The following ZNF471 variants were observed in gnomAD, a reference collection of about 807,000 sequenced individuals.
The protein encoded by ZNF471 is EZFIT-related protein 1.
Under a neutral mutation model 13.7 loss-of-function variants are expected in ZNF471, and 7 were observed. The observed-to-expected ratio is 0.51, with a 90% CI of 0.29 to 0.96. The LOEUF is 0.96. ZNF471 is among the 40% of genes least tolerant of loss of function. ZNF471 has a pLI of 0.08. For synonymous variants in ZNF471, 218 were observed against 235.6 expected, an observed-to-expected ratio of 0.93 and a Z score of 0.68; for missense variants, 663 against 743.3, an observed-to-expected ratio of 0.89 and a Z score of 1.26.
chr19:56,509,818 T>G (rs925448443), intron 1 of ZNF471: 1 of 983,556 alleles, frequency 1.0e-6, no homozygotes, highest in African/African-American at 1.8e-5. Flanking sequence ...GAGAAACAGT[T>G]TGTTTTTCCT....
Position 56,525,801 on chromosome 19 carries a change from G to A in ZNF471, c.1734G>A (p.Lys578=), listed in dbSNP as rs371500929. ...EKPYKCTECG[K]AFSDSSSCAQ... ...CCTATAAATGTACTGAATGTGGAAA[G>A]GCTTTTAGTGATAGCTCATCCTGTG... The change falls in exon 5 of 5, where the codon AAG becomes AAA. Residue 578 remains lysine, a synonymous_variant. Transcript: ENST00000308031. 1.2e-4 allele frequency: 201 copies of A among 1,614,166 alleles called. 3 individuals are homozygous for A. The South Asian group carries it at 1.9e-3, about 15-fold the overall frequency.
Position 56,518,333 on chromosome 19 carries a change from C to T in ZNF471, c.161-149C>T, listed in dbSNP as rs1341026400. The stretch of plus-strand genomic sequence containing the variant: ...CTGTTAGCAGTCTTACTAGGCTATT[C>T]CAGAGTTTTATGTAGTCTGTCCTTC... On this transcript the variant is annotated intron_variant, in intron 3 of 4. Coordinates refer to ENST00000308031, the MANE Select transcript of ZNF471 (RefSeq NM_020813.4). The T allele has an allele frequency of 1.6e-5, 10 of 623,328 alleles. No individual in the cohort carries two copies. The Admixed American group carries it at 2.8e-4, about 17-fold the overall frequency. The allele number at this position is 623,328 out of a possible 1,614,324, so 38.6% of individuals were successfully genotyped here. A position where few individuals can be genotyped will look rare whatever the true frequency, so the allele number is the denominator to read the frequency against.
intron 4 of ZNF471, among the ~76,000 whole-genome samples, chr19:56,520,718 G>A (rs1383589398): frequency 6.6e-6 from 1 of 152,162 alleles, no homozygotes; most frequent in South Asian, 2.1e-4. Flanking sequence ...CAGGAAGAAG[G>A]CACCATCTGT....
Position 56,529,925 on chromosome 19 carries a change from A to G in ZNF471, c.*3977A>G, listed in dbSNP as rs577132211. 4.6e-4 allele frequency: 70 copies of G among 152,328 alleles called. No individual in the cohort carries two copies. Among genetic ancestry groups the G allele is most frequent in the Admixed American group, 1.0e-3 (16 of 15,300 alleles). The allele number at this position is 152,328 out of a possible 1,614,324, so 9.4% of individuals were successfully genotyped here. A position where few individuals can be genotyped will look rare whatever the true frequency, so the allele number is the denominator to read the frequency against. ...TTGAATATAATTACCCTTTGCCACA[A>G]TTCTACACCTAGTCAGTTATGTTCT... On this transcript the variant is annotated 3_prime_UTR_variant, in exon 5 of 5. Transcript: ENST00000308031.
Position 56,524,255 on chromosome 19 carries a change from T to G in ZNF471, c.257-69T>G. The G allele has an allele frequency of 8.9e-7, 1 of 1,128,076 alleles. No individual in the cohort carries two copies. Among genetic ancestry groups the G allele is most frequent in the South Asian group, 1.8e-5 (1 of 54,972 alleles). The allele number at this position is 1,128,076 out of a possible 1,614,324, so 69.9% of individuals were successfully genotyped here. On this transcript the variant is annotated intron_variant, in intron 4 of 4. Transcript: ENST00000308031. The surrounding 1 kb of genome is among the most constrained non-coding windows in gnomAD (Gnocchi z 4.8). ...TTTATTAAATATTTTTAAATTACCT[T>G]TTTCACAATGTCTCCTTTGTTGTAG...
chr19:56,511,552 G>C lies in ZNF471; in HGVS notation c.-20G>C. On this transcript the variant is annotated 5_prime_UTR_variant, in exon 2 of 5. Coordinates refer to ENST00000308031, the MANE Select transcript of ZNF471 (RefSeq NM_020813.4). The stretch of plus-strand genomic sequence containing the variant: ...CCAAGACACTGTTCTTCAAGAGAAA[G>C]ACCAGAAGAGAAGGCAAAAATGAAT... The C allele has an allele frequency of 6.2e-7, 1 of 1,613,932 alleles. No individual in the cohort carries two copies. Among genetic ancestry groups the C allele is most frequent in the Non-Finnish European group, 8.5e-7 (1 of 1,179,892 alleles).
At chr19:56,521,341 TA>T in intron 4 of ZNF471, among the ~76,000 whole-genome samples, 2 of 152,094 alleles carry the variant, frequency 1.3e-5, no homozygotes, top group South Asian at 2.1e-4. Context: ...GGTATAACTT[TA>T]AAAAAATCTC....
intron 2 of ZNF471, among the ~76,000 whole-genome samples, chr19:56,514,399 TG>T (rs979969163): frequency 2.0e-5 from 3 of 152,162 alleles, no homozygotes; most frequent in African/African-American, 4.8e-5. Context: ...TTTTATCTAA[TG>T]TTTTTTTTCT....
chr19:56,522,579 C>T lies in ZNF471; in HGVS notation c.257-1745C>T, dbSNP rs190454669. Among the ~76,000 whole-genome samples, 5 of 152,116 alleles carry T rather than the reference C, an allele frequency of 3.3e-5. No individual in the cohort carries two copies. The East Asian group carries it at 9.7e-4, about 29-fold the overall frequency. Reference sequence around the variant, plus strand: ...TATGGATGACATAGAAAAGGAAAGCCCTTCCTTTGCCTTTTCTTGAAACCA... The same window carrying T: ...TATGGATGACATAGAAAAGGAAAGCTCTTCCTTTGCCTTTTCTTGAAACCA... On this transcript the variant is annotated intron_variant, in intron 4 of 4. Transcript: ENST00000308031. This position sits in a 1 kb window ranked among gnomAD's most constrained non-coding sequence, Gnocchi z 4.1.
rs1290972733 is a variant in ZNF471, at chr19:56,516,712, T to C, written c.160+311T>C. Among the ~76,000 whole-genome samples the C allele has an allele frequency of 2.0e-5, 3 of 152,238 alleles. No individual in the cohort carries two copies. The highest frequency in any genetic ancestry group is 7.2e-5 in the African/African-American group (3 of 41,466). On this transcript the variant is annotated intron_variant, in intron 3 of 4. Transcript: ENST00000308031. This position sits in a 1 kb window ranked among gnomAD's most constrained non-coding sequence, Gnocchi z 4.4. ...TATCACCACTAGACAACAACAAGGTTCACAAAGAATATATAGCTAGATTAC... is the reference window on the plus strand; with the variant it reads ...TATCACCACTAGACAACAACAAGGTCCACAAAGAATATATAGCTAGATTAC...
chr19:56,513,875 T>C (rs1326792360), intron 2 of ZNF471, among the ~76,000 whole-genome samples: 1 of 151,900 alleles, frequency 6.6e-6, no homozygotes, highest in Non-Finnish European at 1.5e-5. Context: ...TTTAGAATAG[T>C]TTTAGATTTG....
In ZNF471 at chr19:56,528,599, T is replaced by A. The variant is rs1385089430; in HGVS notation, c.*2651T>A. 6.6e-6 allele frequency: 1 copy of A among 152,190 alleles called. No homozygotes were observed. The highest frequency in any genetic ancestry group is 6.5e-5 in the Admixed American group (1 of 15,280). 9.4% of individuals were successfully genotyped at this position (152,190 alleles called of 1,614,324 possible). On this transcript the variant is annotated 3_prime_UTR_variant, in exon 5 of 5. Coordinates refer to ENST00000308031, the MANE Select transcript of ZNF471 (RefSeq NM_020813.4). Reference sequence around the variant, plus strand: ...CACATGTAGTATGCTTAACATTTAATATTATAATAAGACATCACAGCGGCT... The same window carrying A: ...CACATGTAGTATGCTTAACATTTAAAATTATAATAAGACATCACAGCGGCT...
rs1387618894 is a variant in ZNF471, at chr19:56,524,478, T to C, written c.411T>C (p.Ser137=). 6 of 1,611,946 alleles carry C rather than the reference T, an allele frequency of 3.7e-6. No individual in the cohort carries two copies. The Admixed American group carries it at 6.7e-5, about 18-fold the overall frequency. Residue 137 remains serine, a synonymous_variant, in exon 5 of 5, where the codon AGT becomes AGC. Transcript: ENST00000308031. This position sits in a 1 kb window ranked among gnomAD's most constrained non-coding sequence, Gnocchi z 4.8. ...ACCTTTTTGAGAAGCAGATGGGAAG[T>C]CATGAGATGTTTAGCAAGAAAGAAA... ...WEDLFEKQMG[S]HEMFSKKEII... is the part of the protein sequence containing the mutation.
Position 56,525,654 on chromosome 19 carries a change from C to T in ZNF471, c.1587C>T (p.His529=). The change falls in exon 5 of 5, where the codon CAC becomes CAT. Residue 529 remains histidine (H), a synonymous_variant. Transcript: ENST00000308031. ...GAAATGCTTTCAAACAGAGATCACA[C>T]CTTGCCCAACATCAGAAAACTCATA... ...ECGNAFKQRS[H]LAQHQKTHTG... The T allele has an allele frequency of 6.2e-7, 1 of 1,614,028 alleles. No homozygotes were observed. The highest frequency in any genetic ancestry group is 1.1e-5 in the South Asian group (1 of 91,074).
chr19:56,521,974 A>G (rs777831116), intron 4 of ZNF471, among the ~76,000 whole-genome samples: 31 of 152,274 alleles, frequency 2.0e-4, no homozygotes, highest in Admixed American at 6.5e-4. Flanking sequence ...TCCTCATAGC[A>G]TATTTTACTG....
chr19:56,529,187 A>G lies in ZNF471; in HGVS notation c.*3239A>G, dbSNP rs2147935955. ...AATTCATGTTGAGTGTTAATTAGGC[A>G]GGAATCAGAAGGGAGGTTTTGTAGA... On this transcript the variant is annotated 3_prime_UTR_variant, in exon 5 of 5. Coordinates refer to ENST00000308031, the MANE Select transcript of ZNF471 (RefSeq NM_020813.4). 1 of 152,362 alleles carries G rather than the reference A, an allele frequency of 6.6e-6. No homozygotes were observed. Among genetic ancestry groups the G allele is most frequent in the South Asian group, 2.1e-4 (1 of 4,826 alleles). The allele number at this position is 152,362 out of a possible 1,614,324, so 9.4% of individuals were successfully genotyped here.
In ZNF471 at chr19:56,510,976, G is replaced by A. The variant is rs2043801369; in HGVS notation, c.-55-541G>A. 2.0e-6 allele frequency: 2 copies of A among 985,434 alleles called. No individual in the cohort carries two copies. The highest frequency in any genetic ancestry group is 6.2e-5 in the Admixed American group (1 of 16,254). The allele number at this position is 985,434 out of a possible 1,614,324, so 61.0% of individuals were successfully genotyped here. ...GCTAAAGGTTCCATCGTTTCAGGGT[G>A]AGGAAAGTGAAACAGTGCCGGGGGG... On this transcript the variant is annotated intron_variant, in intron 1 of 4. Coordinates refer to ENST00000308031, the MANE Select transcript of ZNF471 (RefSeq NM_020813.4). This position sits in a 1 kb window ranked among gnomAD's most constrained non-coding sequence, Gnocchi z 4.3.
In ZNF471 at chr19:56,508,362, T is replaced by G. The variant is rs2147897301; in HGVS notation, c.-56+442T>G. Reference sequence around the variant, plus strand: ...GAGAGAGATAGGGATGTGCCTGCATTTGAAAGAGAGCGTGTGAAGCTCAGT... The same window carrying G: ...GAGAGAGATAGGGATGTGCCTGCATGTGAAAGAGAGCGTGTGAAGCTCAGT... On this transcript the variant is annotated intron_variant, in intron 1 of 4. Coordinates refer to ENST00000308031, the MANE Select transcript of ZNF471 (RefSeq NM_020813.4). This position sits in a 1 kb window ranked among gnomAD's most constrained non-coding sequence, Gnocchi z 4.7. Among the ~76,000 whole-genome samples the G allele has an allele frequency of 7.0e-6, 1 of 142,886 alleles. No individual in the cohort carries two copies. 93.7% of individuals were successfully genotyped at this position (142,886 alleles called of 152,430 possible). A position where few individuals can be genotyped will look rare whatever the true frequency, so the allele number is the denominator to read the frequency against.
At position 56,516,177 on chromosome 19, in the gene ZNF471, T is replaced by C; in HGVS notation, c.34-98T>C. On this transcript the variant is annotated intron_variant, in intron 2 of 4. Transcript: ENST00000308031. This position sits in a 1 kb window ranked among gnomAD's most constrained non-coding sequence, Gnocchi z 4.4. ...TCCTATTTATGTTTTTTCTCTTCTATGAGTTATTTCTCACCTAAAGTAGAG... is the reference window on the plus strand; with the variant it reads ...TCCTATTTATGTTTTTTCTCTTCTACGAGTTATTTCTCACCTAAAGTAGAG... 1 of 1,246,132 alleles carries C rather than the reference T, an allele frequency of 8.0e-7. No homozygotes were observed. The highest frequency in any genetic ancestry group is 1.1e-6 in the Non-Finnish European group (1 of 880,966). The allele number at this position is 1,246,132 out of a possible 1,614,324, so 77.2% of individuals were successfully genotyped here.
Sources: gnomAD v4.1 joint callset for allele counts (sites outside exome capture counted in the v4.1 genomes callset) on GRCh38, gnomAD v4.1.1 for gene constraint, Gnocchi (gnomAD v3.1) non-coding constraint, MANE v1.5 for transcripts, NCBI Gene and HGNC (gene_info 2026-07-23, HGNC 2026-07-21) for gene names.